The following B3GALT1 variants were observed in gnomAD, a reference collection of about 807,000 sequenced individuals.
B3GALT1 encodes the protein UDP-Gal:betaGlcNAc beta 1,3-galactosyltransferase, polypeptide 1.
In B3GALT1, 10 loss-of-function variants were observed where a neutral mutation model predicts 23.2. The ratio of observed to expected loss-of-function variants is 0.43; its 90% CI spans 0.27 to 0.73. The LOEUF is 0.73. B3GALT1 is among the 30% of genes least tolerant of loss of function. The pLI is 0.21. For missense variants in B3GALT1, 299 were observed against 405.4 expected, an observed-to-expected ratio of 0.74 and a Z score of 2.25; for synonymous variants, 156 against 141.5, an observed-to-expected ratio of 1.10 and a Z score of -0.73.
At chr2:167,375,101 C>T (rs1697742547) in intron 1 of B3GALT1, among the ~76,000 whole-genome samples, 1 of 152,066 alleles carries the variant, frequency 6.6e-6, no homozygotes, top group Non-Finnish European at 1.5e-5. Flanking sequence ...AATCCTTTCC[C>T]CATTGCTTAT....
intron 2 of B3GALT1, among the ~76,000 whole-genome samples, chr2:167,525,015 G>A (rs1683196776): frequency 6.6e-6 from 1 of 152,204 alleles, no homozygotes; most frequent in Non-Finnish European, 1.5e-5. Context: ...AAACTATCAT[G>A]TGCACATGCC....
chr2:167,787,465 A>T lies in B3GALT1; in HGVS notation c.-351-31207A>T, dbSNP rs73971276. On this transcript the variant is annotated intron_variant, in intron 3 of 4. Coordinates refer to ENST00000392690, the MANE Select transcript of B3GALT1 (RefSeq NM_020981.4). ...CAAGGGAGTAGGATGTACCAGCCAA[A>T]TTGAATAAAAACTTTCTGGTTCTAT... Among the ~76,000 whole-genome samples, 644 of 152,356 alleles carry T rather than the reference A, an allele frequency of 4.2e-3. 2 individuals are homozygous for T. The highest frequency in any genetic ancestry group is 0.014 in the African/African-American group (600 of 41,580).
intron 1 of B3GALT1, among the ~76,000 whole-genome samples, chr2:167,407,293 A>G (rs1012350678): frequency 8.6e-5 from 13 of 150,780 alleles, no homozygotes; most frequent in African/African-American, 3.0e-4. Flanking sequence ...ATTGAAACAA[A>G]TGAAAATGGA....
chr2:167,865,211 C>A (rs1690187794), intron 4 of B3GALT1, among the ~76,000 whole-genome samples: 1 of 151,928 alleles, frequency 6.6e-6, no homozygotes, highest in Non-Finnish European at 1.5e-5. Flanking sequence ...GAGTTGGAGA[C>A]CAGCCTGGCC....
At chr2:167,684,131 C>A (rs752208034) in intron 3 of B3GALT1, among the ~76,000 whole-genome samples, 1 of 152,202 alleles carries the variant, frequency 6.6e-6, no homozygotes, top group African/African-American at 2.4e-5. Context: ...ACTGGTTAGT[C>A]TCTCCATTTA....
Position 167,727,785 on chromosome 2 carries a change from C to G in B3GALT1, c.-352+80819C>G, listed in dbSNP as rs568310539. Among the ~76,000 whole-genome samples, 7 of 152,178 alleles carry G rather than the reference C, an allele frequency of 4.6e-5. No individual in the cohort carries two copies. In the East Asian group the frequency reaches 1.4e-3, roughly 29 times the overall value. ...CGGGGTTGATATTAAACTTGTGAGGCAAATCAAAGAACTTCCAAGGCCTCA... is the reference window on the plus strand; with the variant it reads ...CGGGGTTGATATTAAACTTGTGAGGGAAATCAAAGAACTTCCAAGGCCTCA... On this transcript the variant is annotated intron_variant, in intron 3 of 4. Transcript: ENST00000392690.
At chr2:167,459,741 A>C (rs1441476349) in intron 1 of B3GALT1, among the ~76,000 whole-genome samples, 2 of 151,992 alleles carry the variant, frequency 1.3e-5, no homozygotes, top group African/African-American at 4.8e-5. Context: ...GTGTCCTTTC[A>C]TTTCACCATG....
intron 2 of B3GALT1, among the ~76,000 whole-genome samples, chr2:167,593,346 A>C (rs1164358149): frequency 2.0e-5 from 3 of 152,240 alleles, no homozygotes; most frequent in African/African-American, 7.2e-5. Context: ...TGCAAGCTGC[A>C]GTAATACATG....
intron 1 of B3GALT1, among the ~76,000 whole-genome samples, chr2:167,355,860 G>A (rs553168092): frequency 6.6e-6 from 1 of 152,152 alleles, no homozygotes; most frequent in Non-Finnish European, 1.5e-5. Context: ...AACATCTACA[G>A]CTTTTCTTTC....
chr2:167,587,747 C>A (rs1436071311), intron 2 of B3GALT1, among the ~76,000 whole-genome samples: 2 of 152,178 alleles, frequency 1.3e-5, no homozygotes, highest in Admixed American at 1.3e-4. Flanking sequence ...AAAATTTGGG[C>A]CTGAATTCTT....
intron 3 of B3GALT1, among the ~76,000 whole-genome samples, chr2:167,745,486 G>A (rs902292249): frequency 5.9e-5 from 9 of 152,058 alleles, no homozygotes; most frequent in Admixed American, 2.6e-4. Flanking sequence ...TTGCCTATTA[G>A]AAACTCCATT....
At chr2:167,532,915 G>A (rs1683353420) in intron 2 of B3GALT1, among the ~76,000 whole-genome samples, 1 of 142,854 alleles carries the variant, frequency 7.0e-6, no homozygotes, top group Middle Eastern at 3.6e-3. Flanking sequence ...AGGCTGGAGT[G>A]CAGTGGCGTG....
intron 3 of B3GALT1, among the ~76,000 whole-genome samples, chr2:167,737,438 C>G (rs1157913227): frequency 6.6e-6 from 1 of 152,222 alleles, no homozygotes; most frequent in Non-Finnish European, 1.5e-5. Flanking sequence ...CACATCATTT[C>G]CAGCATGGAA....
At chr2:167,713,514 T>A (rs2105520495) in intron 3 of B3GALT1, 1 of 609,294 alleles carries the variant, frequency 1.6e-6, no homozygotes, top group Non-Finnish European at 2.9e-6. Context: ...TTAAACCATC[T>A]TTATTTACAA....
At chr2:167,667,340 C>T (rs1427333853) in intron 3 of B3GALT1, among the ~76,000 whole-genome samples, 1 of 152,164 alleles carries the variant, frequency 6.6e-6, no homozygotes, top group East Asian at 1.9e-4. Flanking sequence ...TGAGGGGCTT[C>T]CCTTTGAGGG....
chr2:167,844,316 C>A (rs11897157), intron 4 of B3GALT1, among the ~76,000 whole-genome samples: 21,820 of 152,148 alleles, frequency 0.14, 1,897 homozygotes, highest in East Asian at 0.38. Flanking sequence ...AATTTTAGCT[C>A]CAGATCGACT....
chr2:167,482,010 A>G (rs7567362), intron 1 of B3GALT1, among the ~76,000 whole-genome samples: 60,062 of 152,032 alleles, frequency 0.4, 12,687 homozygotes, highest in East Asian at 0.81. Context: ...CAATTAAAAC[A>G]TATTTCCAAC....
intron 3 of B3GALT1, among the ~76,000 whole-genome samples, chr2:167,809,743 G>A (rs1688838111): frequency 6.6e-6 from 1 of 152,242 alleles, no homozygotes; most frequent in Admixed American, 6.5e-5. Flanking sequence ...GGACCCACTT[G>A]AGGAGGCAGT....
chr2:167,389,660 T>C (rs1320815347), intron 1 of B3GALT1, among the ~76,000 whole-genome samples: 1 of 151,902 alleles, frequency 6.6e-6, no homozygotes, highest in Non-Finnish European at 1.5e-5. Flanking sequence ...AGGAAATTTG[T>C]TTATTTGCCA....
Sources: allele counts gnomAD v4.1 joint callset (sites outside exome capture counted in the v4.1 genomes callset), GRCh38; gene constraint gnomAD v4.1.1; transcripts MANE v1.5; gene names NCBI Gene and HGNC (gene_info 2026-07-23, HGNC 2026-07-21).